The following NOP58 variants were observed in gnomAD, a reference collection of about 807,000 sequenced individuals.
NOP58 encodes the protein NOP58 ribonucleoprotein.
NOP58 carries 44 observed loss-of-function variants against 71.2 expected under a neutral mutation model. The observed-to-expected ratio is 0.62, with a 90% confidence interval of 0.49 to 0.79. NOP58 has a LOEUF of 0.79. Ranked by LOEUF, NOP58 falls within the 30% of genes least tolerant of loss-of-function variation. The pLI, the probability that NOP58 is intolerant of heterozygous loss-of-function variation, is 0.00. For missense variants in NOP58, 538 were observed against 620.2 expected, an observed-to-expected ratio of 0.87 and a Z score of 1.41; for synonymous variants, 228 against 200.3, an observed-to-expected ratio of 1.14 and a Z score of -1.17.
In NOP58 at chr2:202,292,137, G is replaced by A. The variant is rs1688913722; in HGVS notation, c.781-640G>A. On this transcript the variant is annotated intron_variant, in intron 8 of 14. Transcript: ENST00000264279. Reference sequence around the variant, plus strand: ...GCCTCCCGAGTAGCTGGGATTACAAGCACGTGCCACCATGCCCAGCTAATT... The same window carrying A: ...GCCTCCCGAGTAGCTGGGATTACAAACACGTGCCACCATGCCCAGCTAATT... 1.3e-5 allele frequency among the ~76,000 whole-genome samples: 2 copies of A among 150,864 alleles called. 1 individual carries two copies. Among genetic ancestry groups the A allele is most frequent in the South Asian group, 4.2e-4 (2 of 4,754 alleles).
At chr2:202,277,811 C>T in intron 2 of NOP58, 139 bp from the exon 3 acceptor site, 1 of 594,506 alleles carries the variant, frequency 1.7e-6, no homozygotes. Flanking sequence ...TCTAACTTCA[C>T]ACCCTGATAC....
intron 1 of NOP58, among the ~76,000 whole-genome samples, chr2:202,274,791 T>A (rs993363580): frequency 6.6e-6 from 1 of 151,996 alleles, no homozygotes; most frequent in South Asian, 2.1e-4. Flanking sequence ...TTCCCTGCCC[T>A]ACCCCCTAGG....
intron 2 of NOP58, among the ~76,000 whole-genome samples, chr2:202,276,063 G>A (rs1208776042): frequency 6.6e-6 from 1 of 152,140 alleles, no homozygotes; most frequent in African/African-American, 2.4e-5. Flanking sequence ...CTGTTGCCTG[G>A]TGTGGTGGCT....
chr2:202,284,286 A>G, intron 4 of NOP58, 59 bp from the exon 5 acceptor site: 1 of 1,390,238 alleles, frequency 7.2e-7, no homozygotes, highest in South Asian at 1.4e-5. Flanking sequence ...AAATAATAAT[A>G]ACAACTTCAG....
At chr2:202,277,911 C>T (rs546803608) in intron 2 of NOP58, 39 bp from the exon 3 acceptor site, 65 of 1,074,684 alleles carry the variant, frequency 6.0e-5, no homozygotes, top group Middle Eastern at 4.1e-4. Context: ...AACGCACTGC[C>T]CCCAATAACA....
At chr2:202,293,287 G>A (rs967210114) in intron 9 of NOP58, among the ~76,000 whole-genome samples, 6 of 150,428 alleles carry the variant, frequency 4.0e-5, no homozygotes, top group African/African-American at 1.5e-4. Flanking sequence ...AAAAAAAAAA[G>A]AAATCACTGT....
chr2:202,294,281 T>G (rs556758810), intron 9 of NOP58, among the ~76,000 whole-genome samples: 1 of 146,788 alleles, frequency 6.8e-6, no homozygotes, highest in Non-Finnish European at 1.5e-5. Context: ...ATTGTGACAT[T>G]GCACACAGCA....
chr2:202,277,812 AC>A, intron 2 of NOP58, 137 bp from the exon 3 acceptor site: 1 of 600,968 alleles, frequency 1.7e-6, no homozygotes, highest in Admixed American at 3.1e-5. Flanking sequence ...CTAACTTCAC[AC>A]CCTGATACAC....
At chr2:202,298,701 A>G (rs1381772950) in intron 12 of NOP58, among the ~76,000 whole-genome samples, 1 of 152,166 alleles carries the variant, frequency 6.6e-6, no homozygotes, top group Non-Finnish European at 1.5e-5. Flanking sequence ...GACAGAAAAC[A>G]AGTCTAAAGA....
rs746342936 is a variant in NOP58, at chr2:202,294,964, CAA to C, written c.908-696_908-695del. Among the ~76,000 whole-genome samples, 390 of 127,678 alleles carry C rather than the reference CAA, an allele frequency of 3.1e-3. 2 individuals carry two copies. The highest frequency in any genetic ancestry group is 2.1e-3 in the Non-Finnish European group (124 of 58,170). The allele number at this position is 127,678 out of a possible 152,430, so 83.8% of individuals were successfully genotyped here. A position where few individuals can be genotyped will look rare whatever the true frequency, so the allele number is the denominator to read the frequency against. On this transcript the variant is annotated intron_variant, in intron 9 of 14. Transcript: ENST00000264279. The stretch of plus-strand genomic sequence containing the variant: ...TGCGCAACAGAGCGAAACTCTATCT[CAA>C]AAAAAAAAAAAAATGCAAGCATAAC...
intron 10 of NOP58, among the ~76,000 whole-genome samples, chr2:202,296,892 C>T (rs1689003242): frequency 6.6e-6 from 1 of 152,110 alleles, no homozygotes; most frequent in Non-Finnish European, 1.5e-5. Flanking sequence ...CGGCACCACA[C>T]CTGGCTAATT....
At chr2:202,299,323 T>C (rs1231990573) in intron 12 of NOP58, among the ~76,000 whole-genome samples, 2 of 152,180 alleles carry the variant, frequency 1.3e-5, no homozygotes, top group South Asian at 2.1e-4. Context: ...ATATAGAACA[T>C]TACCAATTAT....
At chr2:202,269,340 AT>A (rs201564474) in intron 1 of NOP58, among the ~76,000 whole-genome samples, 51 of 135,118 alleles carry the variant, frequency 3.8e-4, no homozygotes, top group Admixed American at 5.4e-4. Context: ...CCTGGCCTAA[AT>A]TTTTTTTTTT....
chr2:202,291,806 CAAAA>C (rs1161178890), intron 8 of NOP58, among the ~76,000 whole-genome samples: 3 of 41,898 alleles, frequency 7.2e-5, no homozygotes, highest in South Asian at 1.3e-3. Flanking sequence ...AACTCCATCT[CAAAA>C]AAAAAAAAAA....
At chr2:202,300,754 G>A (rs1004788917) in intron 13 of NOP58, among the ~76,000 whole-genome samples, 1 of 152,130 alleles carries the variant, frequency 6.6e-6, no homozygotes, top group Non-Finnish European at 1.5e-5. Flanking sequence ...TCTCTTACAC[G>A]GAGCGGACTG....
chr2:202,298,066 G>A lies in NOP58; in HGVS notation c.1268+160G>A, dbSNP rs1278537928. 5.2e-5 allele frequency among the ~76,000 whole-genome samples: 7 copies of A among 133,746 alleles called. No individual in the cohort carries two copies. In the Admixed American group the frequency reaches 5.5e-4, roughly 11 times the overall value. 87.7% of individuals were successfully genotyped at this position (133,746 alleles called of 152,430 possible). On this transcript the variant is annotated intron_variant, in intron 12 of 14. Coordinates refer to ENST00000264279, the MANE Select transcript of NOP58 (RefSeq NM_015934.5). The stretch of plus-strand genomic sequence containing the variant: ...TGTTTATTGTGTGTATGTTGTTTTG[G>A]AAAATGTGCACATTGAGGAATGATT...
At chr2:202,280,110 C>T (rs536130401) in intron 3 of NOP58, among the ~76,000 whole-genome samples, 30 of 152,272 alleles carry the variant, frequency 2.0e-4, no homozygotes, top group Middle Eastern at 6.8e-3. Flanking sequence ...CCTGGGAATT[C>T]AGTTCTCACT....
At position 202,265,999 on chromosome 2, in the gene NOP58, G is replaced by A. The variant is rs1688407339; in HGVS notation, c.45+13G>A. 6.2e-7 allele frequency: 1 copy of A among 1,613,904 alleles called. No homozygotes were observed. The highest frequency in any genetic ancestry group is 1.7e-5 in the Admixed American group (1 of 59,994). On this transcript the variant is annotated intron_variant, in intron 1 of 14. Coordinates refer to ENST00000264279, the MANE Select transcript of NOP58 (RefSeq NM_015934.5). ...CGCCATCTTTAAGGTAGGTGGGAGAGCGAGCCGTTAAAGGGGGAAGGCGGA... is the reference window on the plus strand; with the variant it reads ...CGCCATCTTTAAGGTAGGTGGGAGAACGAGCCGTTAAAGGGGGAAGGCGGA...
intron 3 of NOP58, among the ~76,000 whole-genome samples, chr2:202,280,770 CTTTTTT>C (rs58033592): frequency 1.5e-5 from 2 of 131,158 alleles, no homozygotes; most frequent in Non-Finnish European, 3.3e-5. Flanking sequence ...ACTTGCAAGT[CTTTTTT>C]TTTTTTTTTT....
Sources: gnomAD v4.1 joint callset for allele counts (sites outside exome capture counted in the v4.1 genomes callset) on GRCh38, gnomAD v4.1.1 for gene constraint, MANE v1.5 for transcripts, NCBI Gene and HGNC (gene_info 2026-07-23, HGNC 2026-07-21) for gene names.